Variants in SCRIB observed in about 807,000 individuals in gnomAD.
SCRIB encodes scribble planar cell polarity protein.
In SCRIB, 72 loss-of-function variants were observed where a neutral mutation model predicts 170.0. That is an observed-to-expected ratio of 0.42 (90% CI 0.35 to 0.52). The LOEUF (loss-of-function observed/expected upper bound fraction) is 0.52. Ranked by LOEUF, SCRIB falls within the 20% of genes least tolerant of loss-of-function variation. The pLI is 0.02. For missense variants in SCRIB, 2,475 were observed against 2,338.5 expected (o/e 1.06, Z -1.20); for synonymous variants, 1,298 against 1,044.3 (o/e 1.24, Z -4.68).
Position 143,813,696 on chromosome 8 carries a change from G to A in SCRIB, c.387C>T (p.Ser129=). ...CATCATTCAGGGCCAGGTGAGCCAG[G>A]CTGCGCAGCTGAGTGAAGCCATCAG... ...RLPDGFTQLR[S]LAHLALNDVS... is the part of the protein sequence containing the mutation. The change falls in exon 4 of 37, where the codon AGC becomes AGT. Residue 129 remains serine, a synonymous_variant. Transcript: ENST00000356994. 1 of 1,613,602 alleles carries A rather than the reference G, an allele frequency of 6.2e-7. No homozygotes were observed. The highest frequency in any genetic ancestry group is 1.1e-5 in the South Asian group (1 of 91,080).
Position 143,803,377 on chromosome 8 carries a change from G to A in SCRIB, c.3603+6C>T, listed in dbSNP as rs373673400. 9.4e-4 allele frequency: 1,461 copies of A among 1,557,710 alleles called. 3 individuals are homozygous for A. Among genetic ancestry groups the A allele is most frequent in the Middle Eastern group, 2.7e-3 (13 of 4,742 alleles). ...GAGGCCCGGTCCCCGGGGCGGGATC[G>A]CTAACCTCCAGGGCTGCGTCGGTGC... On this transcript the variant is annotated splice_donor_region_variant and intron_variant, in intron 24 of 36. Coordinates refer to ENST00000356994, the MANE Select transcript of SCRIB (RefSeq NM_182706.5).
chr8:143,791,592 C>T, intron 35 of SCRIB, 74 bp downstream of exon 35: 10 of 1,514,776 alleles, frequency 6.6e-6, no homozygotes, highest in Non-Finnish European at 9.2e-6. Flanking sequence ...GTGGGGAGGC[C>T]CTGCGGGAGC....
At chr8:143,812,159 G>A (rs1019606919) in intron 9 of SCRIB, 107 bp downstream of exon 9, 13 of 804,168 alleles carry the variant, frequency 1.6e-5, no homozygotes, top group Non-Finnish European at 1.8e-5. Context: ...GTGGCTCCAC[G>A]TCAGGCTGCC....
chr8:143,792,154 G>C (rs782436299), intron 32 of SCRIB, 21 bp from the exon 33 acceptor site: 1 of 1,559,200 alleles, frequency 6.4e-7, no homozygotes, highest in Admixed American at 1.8e-5. Flanking sequence ...CAGCGGGCAG[G>C]GGTGACTTGG....
intron 1 of SCRIB, 126 bp downstream of exon 1, chr8:143,815,088 A>G: frequency 2.7e-6 from 3 of 1,111,452 alleles, no homozygotes; most frequent in South Asian, 3.7e-5. Flanking sequence ...TGGGGTGGGG[A>G]CCTGGCCAGT....
At position 143,812,830 on chromosome 8, in the gene SCRIB, C is replaced by T. The variant is rs773559017; in HGVS notation, c.774G>A (p.Leu258=). ...AGGCACACTAACCGATGCCGTCGGG[C>T]AGCCTCCGCAGCAGGTTCTGGGACA... ...LLLSQNLLRR[L]PDGIGQLKQL... is the part of the protein sequence containing the mutation. Residue 258 remains leucine (L), a synonymous_variant, in exon 8 of 37, where the codon CTG becomes CTA. Transcript: ENST00000356994. 5 of 1,600,558 alleles carry T rather than the reference C, an allele frequency of 3.1e-6. No individual in the cohort carries two copies. The highest frequency in any genetic ancestry group is 2.7e-5 in the African/African-American group (2 of 74,916).
Position 143,813,985 on chromosome 8 carries a change from T to G in SCRIB, c.277+16A>C. On this transcript the variant is annotated intron_variant, in intron 2 of 36. Coordinates refer to ENST00000356994, the MANE Select transcript of SCRIB (RefSeq NM_182706.5). The stretch of plus-strand genomic sequence containing the variant: ...CACTCCCCAGACCCCACCCAGCCCC[T>G]GCCCAGGCTCCCCACCGTTCCGGGA... 2 of 1,013,540 alleles carry G rather than the reference T, an allele frequency of 2.0e-6. No individual in the cohort carries two copies. The highest frequency in any genetic ancestry group is 2.9e-6 in the Non-Finnish European group (2 of 682,166). The allele number at this position is 1,013,540 out of a possible 1,614,324, so 62.8% of individuals were successfully genotyped here.
In SCRIB at chr8:143,792,336, G is replaced by A. The variant is rs781981043; in HGVS notation, c.4398C>T (p.Arg1466=). The A allele has an allele frequency of 8.1e-5, 125 of 1,544,926 alleles. No homozygotes were observed. In the Middle Eastern group the frequency reaches 1.3e-3, roughly 16 times the overall value. Residue 1466 remains arginine (R), a synonymous_variant, in exon 32 of 37, where the codon CGC becomes CGT. Transcript: ENST00000356994. ...APVRTAKAER[R]HQERLRVQSP... is the part of the protein sequence containing the mutation. ...TCTGCACGCGCAGCCGCTCCTGGTG[G>A]CGCCGTTCAGCTTTGGCCGTCCGCA...
chr8:143,812,704 G>A (rs1456988837), intron 8 of SCRIB, 113 bp downstream of exon 8: 4 of 1,385,408 alleles, frequency 2.9e-6, no homozygotes, highest in East Asian at 2.3e-5. Flanking sequence ...CCAGAGCCTG[G>A]GCACACTCAG....
chr8:143,811,485 G>C, intron 9 of SCRIB, 140 bp from the exon 10 acceptor site: 1 of 714,686 alleles, frequency 1.4e-6, no homozygotes, highest in Non-Finnish European at 2.3e-6. Context: ...CCGGGACAAG[G>C]ACCTGACCAC....
rs1820062275 is a variant in SCRIB at position 143,791,194 on chromosome 8, C to G, written c.4937G>C (p.Gly1646Ala). 6.9e-7 allele frequency: 1 copy of G among 1,443,264 alleles called. No homozygotes were observed. The highest frequency in any genetic ancestry group is 1.4e-5 in the African/African-American group (1 of 69,514). The allele number at this position is 1,443,264 out of a possible 1,614,324, so 89.4% of individuals were successfully genotyped here. ...LCSSRRPVRP[G>A]RRGLGPVPS ...GGGCACAGGGCCCAGGCCACGGCGC[C>G]CAGGCCTTACGGGGCGGCGGCTGCT... The change falls in exon 37 of 37, where the codon GGG becomes GCG. Residue 1646 changes from glycine (G) to alanine (A), a missense_variant. Transcript: ENST00000356994.
chr8:143,796,731 C>T (rs2130019123), intron 24 of SCRIB, among the ~76,000 whole-genome samples: 1 of 152,322 alleles, frequency 6.6e-6, no homozygotes, highest in African/African-American at 2.4e-5. Context: ...GGACAAACAA[C>T]AAACAAGGTG....
chr8:143,810,811 C>T lies in SCRIB; in HGVS notation c.1279G>A (p.Ala427Thr), dbSNP rs1815678072. 1.2e-6 allele frequency: 2 copies of T among 1,601,696 alleles called. No individual in the cohort carries two copies. Reference sequence around the variant, plus strand: ...TCCGAGAGGCTCCCCTGCTGCCCAGCATCCTCTGCAGCAGGTGAGCGTCAG... The same window carrying T: ...TCCGAGAGGCTCCCCTGCTGCCCAGTATCCTCTGCAGCAGGTGAGCGTCAG... ...PQQPPPSLED[A>T]GQQGSLSETW... The change falls in exon 12 of 37, where the codon GCT becomes ACT. Residue 427 changes from alanine to threonine, a missense_variant. Ala to Thr is a moderately conservative substitution (Grantham distance 58). Transcript: ENST00000356994.
Position 143,806,441 on chromosome 8 carries a change from C to G in SCRIB, c.2312G>C (p.Arg771Pro). 2 of 1,606,320 alleles carry G rather than the reference C, an allele frequency of 1.2e-6. No homozygotes were observed. The highest frequency in any genetic ancestry group is 1.7e-6 in the Non-Finnish European group (2 of 1,176,370). The change falls in exon 18 of 37, where the codon CGG (arginine) becomes CCG (proline). Residue 771 changes from arginine (R) to proline (P), a missense_variant. By Grantham distance (103) the Arg-to-Pro change is moderately radical (BLOSUM62 -2). Around this residue, in one of 3 missense-constraint regions of SCRIB, gnomAD observed 1,966 missense variants for 1,742.9 expected, o/e 1.13. Coordinates refer to ENST00000356994, the MANE Select transcript of SCRIB (RefSeq NM_182706.5). ...CTTGTCACCCACACGGACTCCAGCC[C>G]GGGCCGCAGGGCCTTCCTCGGACAC... Reference protein sequence around the residue: ...SRVSEEGPAARAGVRVGDKLL... With the variant: ...SRVSEEGPAAPAGVRVGDKLL...
chr8:143,814,162 A>G (rs770186578), intron 1 of SCRIB, 44 bp from the exon 2 acceptor site: 1 of 1,434,306 alleles, frequency 7.0e-7, no homozygotes, highest in South Asian at 1.2e-5. Flanking sequence ...AGACCACTGC[A>G]GAGCAGAGAA....
Position 143,792,967 on chromosome 8 carries a change from C to A in SCRIB, c.4017+9G>T. The A allele has an allele frequency of 6.7e-7, 1 of 1,503,244 alleles. No homozygotes were observed. Among genetic ancestry groups the A allele is most frequent in the Non-Finnish European group, 8.9e-7 (1 of 1,126,898 alleles). 93.1% of individuals were successfully genotyped at this position (1,503,244 alleles called of 1,614,324 possible). On this transcript the variant is annotated intron_variant, in intron 29 of 36. Transcript: ENST00000356994. ...ACGCGCAGCAGGGAGGCGTGCTGCC[C>A]CCACACACCTGGGCAGGGGCATCCT...
At position 143,792,105 on chromosome 8, in the gene SCRIB, G is replaced by A. The variant is rs782750585; in HGVS notation, c.4543C>T (p.Arg1515Ter). ...GACCTGCTGAGGACCATCTGTGCTC[G>A]GAGAGCGTCCTGTTCCAATGACTTC... The part of the protein sequence containing the change: ...RMKSLEQDAL[R>*]AQMVLSRSQE... Residue 1515 changes from arginine to a stop codon, truncating the protein, a stop_gained, in exon 33 of 37, where the codon CGA becomes TGA. Transcript: ENST00000356994. LOFTEE classifies it high-confidence loss of function. 1.9e-6 allele frequency: 3 copies of A among 1,588,438 alleles called. No individual in the cohort carries two copies. Among genetic ancestry groups the A allele is most frequent in the Non-Finnish European group, 2.6e-6 (3 of 1,174,078 alleles).
In SCRIB at chr8:143,796,652, C is replaced by T. The variant is rs1391264192; in HGVS notation, c.3604-1122G>A. On this transcript the variant is annotated intron_variant, in intron 24 of 36. Coordinates refer to ENST00000356994, the MANE Select transcript of SCRIB (RefSeq NM_182706.5). ...ACACAGAAAGCAAAGACTAGAAACG[C>T]GAGTGTCGTAAAAGCACAGTTACAC... Among the ~76,000 whole-genome samples, 13 of 152,198 alleles carry T rather than the reference C, an allele frequency of 8.5e-5. 1 individual carries two copies. The South Asian group carries it at 2.3e-3, about 27-fold the overall frequency.
At chr8:143,794,670 C>A (rs114891562) in intron 27 of SCRIB, among the ~76,000 whole-genome samples, 2 of 152,030 alleles carry the variant, frequency 1.3e-5, no homozygotes, top group Non-Finnish European at 2.9e-5. Context: ...CCAGCCTGTC[C>A]TCCCCTTGGG....
Sources: gnomAD v4.1 joint callset for allele counts (sites outside exome capture counted in the v4.1 genomes callset) on GRCh38, gnomAD v4.1.1 for gene constraint, gnomAD v4.1.1 regional missense constraint, MANE v1.5 for transcripts, NCBI Gene and HGNC (gene_info 2026-07-23, HGNC 2026-07-21) for gene names.